The following CUX1 variants were observed in gnomAD, a reference collection of about 807,000 sequenced individuals.
CUX1 encodes the protein cut like homeobox 1, also known as protein CASP.
Under a neutral mutation model 158.8 loss-of-function variants are expected in CUX1, and 31 were observed. The ratio of observed to expected loss-of-function variants is 0.20; its 90% CI spans 0.15 to 0.26. The LOEUF is 0.26. Ranked by LOEUF, CUX1 falls within the 10% of genes least tolerant of loss-of-function variation. The probability of loss-of-function intolerance (pLI) is 1.00; values close to 1 mark genes in which losing one functional copy is unlikely to be tolerated. For missense variants in CUX1, 1,589 were observed against 2,014.6 expected (o/e 0.79, Z 4.04); for synonymous variants, 879 against 862.1 (o/e 1.02, Z -0.34).
chr7:102,019,710 G>C (rs772252796), intron 2 of CUX1, among the ~76,000 whole-genome samples: 1 of 152,136 alleles, frequency 6.6e-6, no homozygotes, highest in African/African-American at 2.4e-5. Flanking sequence ...GTTGTACCAC[G>C]TACCACGCAA....
At chr7:101,817,611 C>G (rs1035319114), upstream of CUX1, 3 of 1,539,578 alleles carry the variant, frequency 1.9e-6, no homozygotes, top group Admixed American at 4.1e-5. This position sits in a 1 kb window ranked among gnomAD's most constrained non-coding sequence, Gnocchi z 4.1. Flanking sequence ...CCCGCGGCGC[C>G]GGGACAGCCC....
rs782265760 is a variant in CUX1, at chr7:102,274,176, A to G, written c.1384-68A>G. The G allele has an allele frequency of 7.1e-6, 10 of 1,414,394 alleles. 1 individual carries two copies. The East Asian group carries it at 1.9e-4, about 27-fold the overall frequency. 87.6% of individuals were successfully genotyped at this position (1,414,394 alleles called of 1,614,324 possible). On this transcript the variant is annotated intron_variant, in intron 15 of 22. Coordinates refer to the CUX1 transcript ENST00000292538. ...ACCCACCCTGCCATTTGCCTTGGCC[A>G]TGCTGAAAGGGAATATTCCGTGCCC... is the stretch of plus-strand genomic sequence containing the variant.
chr7:102,249,973 A>G lies in CUX1; in HGVS notation c.*931A>G. On this transcript the variant is annotated 3_prime_UTR_variant, in exon 24 of 24. Transcript: ENST00000292535. Reference sequence around the variant, plus strand: ...TGACATGTAGTGCACATTGATGTATAGCTTTAACTGACCCTGGGTTTTGCA... The same window carrying G: ...TGACATGTAGTGCACATTGATGTATGGCTTTAACTGACCCTGGGTTTTGCA... 1.0e-6 allele frequency: 1 copy of G among 985,638 alleles called. No individual in the cohort carries two copies. Among genetic ancestry groups the G allele is most frequent in the Non-Finnish European group, 1.2e-6 (1 of 829,910 alleles). The allele number at this position is 985,638 out of a possible 1,614,324, so 61.1% of individuals were successfully genotyped here.
chr7:101,823,578 A>T (rs533756358), intron 1 of CUX1, among the ~76,000 whole-genome samples: 1 of 152,246 alleles, frequency 6.6e-6, no homozygotes, highest in South Asian at 2.1e-4. Context: ...AACAGAGCTT[A>T]CTCTGAGACA....
chr7:102,031,599 G>A (rs1026302459), intron 3 of CUX1, among the ~76,000 whole-genome samples: 4 of 151,880 alleles, frequency 2.6e-5, no homozygotes, highest in African/African-American at 9.7e-5. Flanking sequence ...ACAAAAGAAA[G>A]GTAATTTTTT....
intron 17 of CUX1, among the ~76,000 whole-genome samples, chr7:102,275,696 C>G (rs1791555180): frequency 6.6e-6 from 1 of 152,092 alleles, no homozygotes; most frequent in Non-Finnish European, 1.5e-5. Context: ...AGGATTTAAG[C>G]CAGGCAGTGG....
In CUX1 at chr7:102,257,687, C is replaced by G; in HGVS notation, c.*8645C>G. 1 of 984,844 alleles carries G rather than the reference C, an allele frequency of 1.0e-6. No individual in the cohort carries two copies. Among genetic ancestry groups the G allele is most frequent in the African/African-American group, 1.8e-5 (1 of 56,814 alleles). The allele number at this position is 984,844 out of a possible 1,614,324, so 61.0% of individuals were successfully genotyped here. A position where few individuals can be genotyped will look rare whatever the true frequency, so the allele number is the denominator to read the frequency against. On this transcript the variant is annotated 3_prime_UTR_variant, in exon 24 of 24. Transcript: ENST00000292535. ...CAGGGTGGCGGAATCTTCCGGAAAA[C>G]TCTCTATAAGCTCAGCTCCCCCCAC... is the stretch of plus-strand genomic sequence containing the variant.
intron 2 of CUX1, among the ~76,000 whole-genome samples, chr7:102,023,660 T>G (rs371209923): frequency 5.3e-5 from 8 of 152,332 alleles, no homozygotes; most frequent in African/African-American, 1.7e-4. Context: ...CTTCTTAGTT[T>G]AGTACAAAAC....
rs189497305 is a variant in CUX1 at position 102,059,449 on chromosome 7, C to T, written c.190-10890C>T. On this transcript the variant is annotated intron_variant, in intron 3 of 23. Coordinates refer to ENST00000292535, the MANE Select transcript of CUX1 (RefSeq NM_181552.4). ...AGGAGTTCGAGACCAGCCTGGCCAA[C>T]GTGGTGAAACCCCATCTACTAAAAA... 6.9e-3 allele frequency among the ~76,000 whole-genome samples: 1,049 copies of T among 152,028 alleles called. 14 individuals carry two copies. Among genetic ancestry groups the T allele is most frequent in the African/African-American group, 0.024 (1,005 of 41,472 alleles).
chr7:102,082,836 A>G (rs556194787), intron 4 of CUX1, among the ~76,000 whole-genome samples: 1 of 147,484 alleles, frequency 6.8e-6, no homozygotes, highest in East Asian at 1.9e-4. Context: ...ATATATACCA[A>G]TTTGTTTATC....
chr7:102,042,839 G>A (rs1448098282), intron 3 of CUX1, among the ~76,000 whole-genome samples: 1 of 152,106 alleles, frequency 6.6e-6, no homozygotes, highest in Non-Finnish European at 1.5e-5. Context: ...ACCCAGGCTG[G>A]AGTGCAGTGG....
At chr7:102,075,339 C>T (rs781485373) in intron 4 of CUX1, among the ~76,000 whole-genome samples, 79 of 152,302 alleles carry the variant, frequency 5.2e-4, no homozygotes, top group Non-Finnish European at 7.9e-4. Flanking sequence ...TCTGGATTAA[C>T]CTGTTGAGAC....
At position 102,193,879 on chromosome 7, in the gene CUX1, G is replaced by T; in HGVS notation, c.1114G>T (p.Ala372Ser). ...KSMEFAPSEG[A>S]GTQDAAKPLE... ...CATGGAGTTTGCACCGTCCGAGGGCGCTGGGACACAGGTACGTGTCTCACC... is the reference window on the plus strand; with the variant it reads ...CATGGAGTTTGCACCGTCCGAGGGCTCTGGGACACAGGTACGTGTCTCACC... The change falls in exon 13 of 24, where the codon GCT becomes TCT. Residue 372 changes from alanine to serine, a missense_variant. Physicochemically the swap from Ala to Ser is moderately conservative, Grantham distance 99. This residue lies in a region of CUX1 where 515 missense variants were observed against 574.4 expected (regional missense o/e 0.90). Coordinates refer to ENST00000292535, the MANE Select transcript of CUX1 (RefSeq NM_181552.4). 1 of 1,613,976 alleles carries T rather than the reference G, an allele frequency of 6.2e-7. No homozygotes were observed. Among genetic ancestry groups the T allele is most frequent in the Non-Finnish European group, 8.5e-7 (1 of 1,179,942 alleles).
intron 1 of CUX1, among the ~76,000 whole-genome samples, chr7:101,861,282 C>T (rs1360385966): frequency 6.6e-6 from 1 of 152,196 alleles, no homozygotes; most frequent in Non-Finnish European, 1.5e-5. Context: ...TTTTTAATGT[C>T]TGGCAGATGG....
At chr7:101,841,018 C>T (rs953341385) in intron 1 of CUX1, among the ~76,000 whole-genome samples, 2 of 151,888 alleles carry the variant, frequency 1.3e-5, no homozygotes, top group Non-Finnish European at 2.9e-5. Flanking sequence ...CTTAGCCTCT[C>T]GAGTAGCTGG....
chr7:102,169,869 G>C (rs1791520084), intron 9 of CUX1, among the ~76,000 whole-genome samples: 1 of 152,220 alleles, frequency 6.6e-6, no homozygotes, highest in Non-Finnish European at 1.5e-5. Flanking sequence ...GGCTGAAAAT[G>C]CCAGGATCAG....
intron 1 of CUX1, among the ~76,000 whole-genome samples, chr7:101,853,957 C>T (rs1288940963): frequency 2.6e-5 from 4 of 152,336 alleles, no homozygotes; most frequent in East Asian, 1.9e-4. Context: ...TCCTGCAGCT[C>T]GAATGAGCTT....
At chr7:101,928,671 T>C (rs1805913831) in intron 2 of CUX1, among the ~76,000 whole-genome samples, 1 of 132,190 alleles carries the variant, frequency 7.6e-6, no homozygotes, top group African/African-American at 2.9e-5. Context: ...GCCTCACAAA[T>C]GGACTTTTTT....
rs1385018066 is a variant in CUX1 at position 101,980,790 on chromosome 7, G to A, written c.142-47308G>A. Among the ~76,000 whole-genome samples the A allele has an allele frequency of 2.0e-5, 3 of 152,036 alleles. No homozygotes were observed. In the East Asian group the frequency reaches 5.8e-4, roughly 30 times the overall value. The stretch of plus-strand genomic sequence containing the variant: ...TCCTGAAGGCCCCGAGAACCAGCCC[G>A]CCGTCCGCACGGATGTACCTGGAAG... On this transcript the variant is annotated intron_variant, in intron 2 of 23. Transcript: ENST00000292535.
Sources: allele counts gnomAD v4.1 joint callset (sites outside exome capture counted in the v4.1 genomes callset), GRCh38; gene constraint gnomAD v4.1.1; regional missense constraint gnomAD v4.1.1; non-coding constraint Gnocchi (gnomAD v3.1); transcripts MANE v1.5; gene names NCBI Gene and HGNC (gene_info 2026-07-23, HGNC 2026-07-21).